The following GALNT18 variants were observed in gnomAD, a reference collection of about 807,000 sequenced individuals.
The protein encoded by GALNT18 is GalNAc-transferase 18.
GALNT18 carries 44 observed loss-of-function variants against 69.5 expected under a neutral mutation model. The ratio of observed to expected loss-of-function variants is 0.63; its 90% CI spans 0.50 to 0.81. The LOEUF (loss-of-function observed/expected upper bound fraction) is 0.81. GALNT18 is among the 40% of genes least tolerant of loss of function. The pLI is 0.00. For missense variants in GALNT18, 715 were observed against 810.0 expected (o/e 0.88, Z 1.42); for synonymous variants, 364 against 318.2 (o/e 1.14, Z -1.53).
At position 11,542,025 on chromosome 11, in the gene GALNT18, G is replaced by A. The variant is rs1857939817; in HGVS notation, c.235+79334C>T. On this transcript the variant is annotated intron_variant, in intron 1 of 10. Coordinates refer to ENST00000227756, the MANE Select transcript of GALNT18 (RefSeq NM_198516.3). The surrounding 1 kb of genome is among the most constrained non-coding windows in gnomAD (Gnocchi z 4.3). ...CCAGAGACCCCGCTGTAAATATGAA[G>A]GAGCCAACCAACCACGATGTTGGAT... Among the ~76,000 whole-genome samples, 1 of 152,078 alleles carries A rather than the reference G, an allele frequency of 6.6e-6. No individual in the cohort carries two copies. The highest frequency in any genetic ancestry group is 1.5e-5 in the Non-Finnish European group (1 of 68,022).
At chr11:11,357,766 C>A (rs764637658) in intron 6 of GALNT18, among the ~76,000 whole-genome samples, 11 of 152,136 alleles carry the variant, frequency 7.2e-5, no homozygotes, top group Non-Finnish European at 1.6e-4. Context: ...AAATGACATA[C>A]AGCATAAAAC....
chr11:11,308,138 C>G (rs1564889505), intron 9 of GALNT18, among the ~76,000 whole-genome samples: 2 of 152,104 alleles, frequency 1.3e-5, no homozygotes, highest in Admixed American at 1.3e-4. Context: ...ATGAAGACTC[C>G]CTGGAAGAAA....
intron 9 of GALNT18, among the ~76,000 whole-genome samples, chr11:11,326,262 T>A (rs764024743): frequency 2.6e-5 from 4 of 152,114 alleles, no homozygotes; most frequent in Non-Finnish European, 5.9e-5. Context: ...GCCAAGATGG[T>A]CTCGATCTCC....
chr11:11,471,248 C>G (rs1046922955), intron 1 of GALNT18, among the ~76,000 whole-genome samples: 1 of 152,130 alleles, frequency 6.6e-6, no homozygotes, highest in Non-Finnish European at 1.5e-5. Context: ...ACTGTGCATT[C>G]AGAACATGGC....
At chr11:11,277,146 T>A (rs183583473) in intron 10 of GALNT18, among the ~76,000 whole-genome samples, 106 of 152,270 alleles carry the variant, frequency 7.0e-4, no homozygotes, top group African/African-American at 2.5e-3. Flanking sequence ...GGTCCTGGAC[T>A]TTTTTTGGTG....
intron 3 of GALNT18, among the ~76,000 whole-genome samples, chr11:11,414,502 T>C (rs1370255353): frequency 1.3e-5 from 2 of 152,204 alleles, no homozygotes; most frequent in Non-Finnish European, 2.9e-5. Flanking sequence ...CACTTTTCCA[T>C]GCTCTTCACA....
intron 3 of GALNT18, among the ~76,000 whole-genome samples, chr11:11,416,052 T>C (rs1379753600): frequency 6.6e-6 from 1 of 152,256 alleles, no homozygotes; most frequent in Non-Finnish European, 1.5e-5. Flanking sequence ...TTTGATTCTC[T>C]GCATTAGTTC....
intron 1 of GALNT18, among the ~76,000 whole-genome samples, chr11:11,502,855 G>A (rs1237196044): frequency 6.6e-6 from 1 of 152,064 alleles, no homozygotes; most frequent in Non-Finnish European, 1.5e-5. Flanking sequence ...AGTCCTTAAC[G>A]CTCTCCGAAT....
intron 1 of GALNT18, among the ~76,000 whole-genome samples, chr11:11,489,550 T>A (rs988260681): frequency 6.6e-6 from 1 of 152,140 alleles, no homozygotes; most frequent in African/African-American, 2.4e-5. Flanking sequence ...GAAGATAGAA[T>A]CAGTTCCACC....
rs11351706 is a variant in GALNT18, at chr11:11,337,961, ATTTTTT to A, written c.1278+2852_1278+2857del. Among the ~76,000 whole-genome samples, 2 of 118,820 alleles carry A rather than the reference ATTTTTT, an allele frequency of 1.7e-5. No individual in the cohort carries two copies. Among genetic ancestry groups the A allele is most frequent in the East Asian group, 2.5e-4 (1 of 4,016 alleles). 78.0% of individuals were successfully genotyped at this position (118,820 alleles called of 152,430 possible). A position where few individuals can be genotyped will look rare whatever the true frequency, so the allele number is the denominator to read the frequency against. On this transcript the variant is annotated intron_variant, in intron 7 of 10. Transcript: ENST00000227756. The surrounding 1 kb of genome is among the most constrained non-coding windows in gnomAD (Gnocchi z 4.9). ...TGTACATAGCAGGAGTCATTTAAAG[ATTTTTT>A]TTTTTTTTTTTTTTTTGAGACAGTC...
chr11:11,398,029 G>A (rs1169628171), intron 3 of GALNT18, among the ~76,000 whole-genome samples: 3 of 152,154 alleles, frequency 2.0e-5, no homozygotes, highest in East Asian at 1.9e-4. Context: ...TTAAATAACT[G>A]CAATGTTCCC....
intron 2 of GALNT18, among the ~76,000 whole-genome samples, chr11:11,441,703 T>C (rs1040503528): frequency 6.6e-6 from 1 of 152,188 alleles, no homozygotes; most frequent in Non-Finnish European, 1.5e-5. Flanking sequence ...AGGTGACGGC[T>C]CGTGAATCTT....
rs1855482466 is a variant in GALNT18, at chr11:11,439,272, A to G, written c.429-6485T>C. 6.6e-6 allele frequency among the ~76,000 whole-genome samples: 1 copy of G among 152,206 alleles called. No individual in the cohort carries two copies. Among genetic ancestry groups the G allele is most frequent in the Admixed American group, 6.5e-5 (1 of 15,284 alleles). Reference sequence around the variant, plus strand: ...GAAACACAGCAGAAGTGGGGCAAAGAGGATGGCAGGCTGGAGCTGTCCAGG... The same window carrying G: ...GAAACACAGCAGAAGTGGGGCAAAGGGGATGGCAGGCTGGAGCTGTCCAGG... On this transcript the variant is annotated intron_variant, in intron 2 of 10. Coordinates refer to ENST00000227756, the MANE Select transcript of GALNT18 (RefSeq NM_198516.3). This position sits in a 1 kb window ranked among gnomAD's most constrained non-coding sequence, Gnocchi z 4.4.
intron 9 of GALNT18, among the ~76,000 whole-genome samples, chr11:11,308,756 C>A (rs1015823203): frequency 7.9e-5 from 12 of 152,186 alleles, no homozygotes; most frequent in African/African-American, 2.9e-4. Flanking sequence ...GTTCTTCTCA[C>A]TTAAGTGCCA....
chr11:11,561,276 C>T (rs1343158513), intron 1 of GALNT18, among the ~76,000 whole-genome samples: 1 of 152,182 alleles, frequency 6.6e-6, no homozygotes, highest in Non-Finnish European at 1.5e-5. Flanking sequence ...GGAGGCCTTT[C>T]CCTACCTTCC....
At chr11:11,486,789 C>T (rs1017680885) in intron 1 of GALNT18, among the ~76,000 whole-genome samples, 23 of 152,222 alleles carry the variant, frequency 1.5e-4, no homozygotes, top group Admixed American at 1.3e-3. Flanking sequence ...CCCGGGATGG[C>T]TTTGTCCAAG....
intron 10 of GALNT18, among the ~76,000 whole-genome samples, chr11:11,281,286 C>A (rs903265797): frequency 3.9e-5 from 6 of 152,244 alleles, no homozygotes; most frequent in African/African-American, 1.4e-4. Flanking sequence ...CTCCCCACTT[C>A]TGGTTTCATT....
intron 1 of GALNT18, among the ~76,000 whole-genome samples, chr11:11,471,077 A>G (rs932141958): frequency 2.0e-5 from 3 of 152,030 alleles, no homozygotes; most frequent in Non-Finnish European, 4.4e-5. Context: ...CTCATCTAAG[A>G]AAACCTTTTC....
chr11:11,385,578 A>G (rs576581463), intron 3 of GALNT18, among the ~76,000 whole-genome samples: 3 of 152,232 alleles, frequency 2.0e-5, no homozygotes, highest in Non-Finnish European at 1.5e-5. Flanking sequence ...TACAGGTGTG[A>G]GCCACCATGC....
Sources: gnomAD v4.1 joint callset for allele counts (sites outside exome capture counted in the v4.1 genomes callset) on GRCh38, gnomAD v4.1.1 for gene constraint, Gnocchi (gnomAD v3.1) non-coding constraint, MANE v1.5 for transcripts, NCBI Gene and HGNC (gene_info 2026-07-23, HGNC 2026-07-21) for gene names.